Variants in CTNNA3 observed in about 807,000 individuals in gnomAD.
CTNNA3 encodes catenin alpha-3.
Under a neutral mutation model 95.7 loss-of-function variants are expected in CTNNA3, and 76 were observed. The ratio of observed to expected loss-of-function variants is 0.79; its 90% CI spans 0.66 to 0.96. The LOEUF is 0.96. CTNNA3 is among the 40% of genes least tolerant of loss of function. CTNNA3 has a pLI of 0.00. For synonymous variants in CTNNA3, 431 were observed against 374.4 expected (o/e 1.15, Z -1.74); for missense variants, 1,191 against 1,089.8 (o/e 1.09, Z -1.31).
At chr10:66,422,482 G>A (rs2093203809) in intron 11 of CTNNA3, among the ~76,000 whole-genome samples, 1 of 151,854 alleles carries the variant, frequency 6.6e-6, no homozygotes, top group African/African-American at 2.4e-5. Context: ...CTTTCATGTA[G>A]GTCTATTATA....
intron 1 of CTNNA3, among the ~76,000 whole-genome samples, chr10:67,731,297 C>T (rs568279634): frequency 6.6e-6 from 1 of 152,202 alleles, no homozygotes; most frequent in Non-Finnish European, 1.5e-5. Context: ...GCAGAAGGAT[C>T]ACCTGAGGTC....
chr10:67,688,770 C>T (rs1048465459), intron 1 of CTNNA3, among the ~76,000 whole-genome samples: 2 of 152,132 alleles, frequency 1.3e-5, no homozygotes, highest in Admixed American at 1.3e-4. Context: ...TCCCCAAGAA[C>T]CCACAATAGT....
intron 14 of CTNNA3, among the ~76,000 whole-genome samples, chr10:66,097,388 T>C (rs1021348349): frequency 3.9e-5 from 6 of 152,316 alleles, no homozygotes; most frequent in Middle Eastern, 6.8e-3. Context: ...CAAAATTTAT[T>C]GTTCACTTCC....
chr10:66,792,116 T>C (rs1316501726), intron 7 of CTNNA3, among the ~76,000 whole-genome samples: 2 of 152,202 alleles, frequency 1.3e-5, no homozygotes, highest in Non-Finnish European at 2.9e-5. Flanking sequence ...ATTTAAAATA[T>C]CTTACTCTCT....
intron 7 of CTNNA3, among the ~76,000 whole-genome samples, chr10:67,032,528 T>A (rs963508699): frequency 6.6e-6 from 1 of 152,180 alleles, no homozygotes; most frequent in Non-Finnish European, 1.5e-5. Context: ...ACAAATCAGG[T>A]AAAAATACTC....
At chr10:66,267,040 C>T (rs2091175685) in intron 13 of CTNNA3, among the ~76,000 whole-genome samples, 1 of 151,960 alleles carries the variant, frequency 6.6e-6, no homozygotes, top group Non-Finnish European at 1.5e-5. Flanking sequence ...CTTAAAGAAT[C>T]TCAATTTTTA....
At chr10:66,205,750 G>T (rs536325893) in intron 13 of CTNNA3, among the ~76,000 whole-genome samples, 1 of 151,884 alleles carries the variant, frequency 6.6e-6, no homozygotes, top group East Asian at 1.9e-4. Context: ...AATTCATTGC[G>T]ATCTGACTTA....
At chr10:66,290,916 T>C (rs2091670762) in intron 12 of CTNNA3, among the ~76,000 whole-genome samples, 1 of 152,174 alleles carries the variant, frequency 6.6e-6, no homozygotes, top group African/African-American at 2.4e-5. Flanking sequence ...TGATGTAAAT[T>C]GATATTCTCT....
At chr10:66,202,010 C>G (rs2087456385) in intron 13 of CTNNA3, among the ~76,000 whole-genome samples, 1 of 152,048 alleles carries the variant, frequency 6.6e-6, no homozygotes, top group Non-Finnish European at 1.5e-5. Context: ...TGGTCTTGAA[C>G]TCCTGACCTC....
At chr10:67,603,778 G>T (rs966618832) in intron 3 of CTNNA3, among the ~76,000 whole-genome samples, 4 of 152,042 alleles carry the variant, frequency 2.6e-5, no homozygotes, top group African/African-American at 9.7e-5. Context: ...GTAAGCTACG[G>T]TTAACTTATT....
chr10:66,170,622 T>C (rs11816309), intron 13 of CTNNA3, among the ~76,000 whole-genome samples: 25,955 of 151,034 alleles, frequency 0.17, 4,067 homozygotes, highest in African/African-American at 0.43. Flanking sequence ...CAAACTGAGA[T>C]AGGGCTTTGA....
intron 11 of CTNNA3, among the ~76,000 whole-genome samples, chr10:66,396,441 G>T (rs1376332150): frequency 2.6e-5 from 4 of 151,890 alleles, no homozygotes; most frequent in Non-Finnish European, 5.9e-5. Flanking sequence ...AATTTTCAAG[G>T]ATTAAAATGT....
chr10:67,640,890 A>G (rs1225412443), intron 2 of CTNNA3, among the ~76,000 whole-genome samples: 1 of 152,212 alleles, frequency 6.6e-6, no homozygotes, highest in East Asian at 1.9e-4. Context: ...TAGACCCAAA[A>G]CCATAAAAAC....
chr10:67,029,899 C>T (rs897762892), intron 7 of CTNNA3, among the ~76,000 whole-genome samples: 1 of 152,208 alleles, frequency 6.6e-6, no homozygotes, highest in Non-Finnish European at 1.5e-5. Flanking sequence ...CTGCACTGGA[C>T]AATCCAGATA....
chr10:66,542,428 A>G (rs1276033113), intron 10 of CTNNA3, among the ~76,000 whole-genome samples: 1 of 152,130 alleles, frequency 6.6e-6, no homozygotes, highest in African/African-American at 2.4e-5. Flanking sequence ...TGCTGTAAAG[A>G]CGCATCCACA....
chr10:67,556,313 A>C (rs182236766), intron 3 of CTNNA3, among the ~76,000 whole-genome samples: 73 of 152,326 alleles, frequency 4.8e-4, no homozygotes, highest in African/African-American at 1.7e-3. Flanking sequence ...AAATTGGAAT[A>C]GTTTCAGAAG....
chr10:66,318,276 A>ATATGTGTGTGTGTGTGTGTG lies in CTNNA3; in HGVS notation c.1733-37656_1733-37655insCACACACACACACACACATA, dbSNP rs33943741. ...GTTGCTGGGAGATATATATATATAT[A>ATATGTGTGTGTGTGTGTGTG]TGTGTGTGTGTGTGTGTGTGTGTGT... On this transcript the variant is annotated intron_variant, in intron 12 of 17. Transcript: ENST00000433211. Among the ~76,000 whole-genome samples the ATATGTGTGTGTGTGTGTGTG allele has an allele frequency of 5.6e-3, 769 of 136,608 alleles. 6 individuals carry two copies. Among genetic ancestry groups the ATATGTGTGTGTGTGTGTGTG allele is most frequent in the African/African-American group, 0.018 (679 of 36,990 alleles). The allele number at this position is 136,608 out of a possible 152,430, so 89.6% of individuals were successfully genotyped here.
chr10:66,986,502 A>T (rs1168839095), intron 7 of CTNNA3, among the ~76,000 whole-genome samples: 1 of 152,004 alleles, frequency 6.6e-6, no homozygotes, highest in Non-Finnish European at 1.5e-5. Context: ...ATCTTGCTAA[A>T]CTAAACTAAA....
At chr10:67,391,004 G>T (rs1181068362) in intron 5 of CTNNA3, among the ~76,000 whole-genome samples, 1 of 152,158 alleles carries the variant, frequency 6.6e-6, no homozygotes, top group Non-Finnish European at 1.5e-5. Flanking sequence ...ACAAGACAGG[G>T]ATGCCCTCTC....
Sources: gnomAD v4.1 joint callset for allele counts (sites outside exome capture counted in the v4.1 genomes callset) on GRCh38, gnomAD v4.1.1 for gene constraint, MANE v1.5 for transcripts, NCBI Gene and HGNC (gene_info 2026-07-23, HGNC 2026-07-21) for gene names.